The following MAPK6 variants were observed in gnomAD, a reference collection of about 807,000 sequenced individuals.
MAPK6 encodes ERK-3.
A neutral mutation model predicts 59.3 loss-of-function variants in MAPK6; 19 were observed. That is an observed-to-expected ratio of 0.32 (90% CI 0.22 to 0.47). MAPK6 has a LOEUF of 0.47. MAPK6 is among the 20% of genes least tolerant of loss of function. MAPK6 has a pLI of 1.00. For synonymous variants in MAPK6, 316 were observed against 290.3 expected, an observed-to-expected ratio of 1.09 and a Z score of -0.90; for missense variants, 724 against 847.9, an observed-to-expected ratio of 0.85 and a Z score of 1.81.
At chr15:51,973,985 C>T (rs367827635) in intron 1 of MAPK6, among the ~76,000 whole-genome samples, 1 of 151,796 alleles carries the variant, frequency 6.6e-6, no homozygotes, top group Admixed American at 6.6e-5. Flanking sequence ...GACCATTGCT[C>T]TTCTACTCAT....
intron 1 of MAPK6, among the ~76,000 whole-genome samples, chr15:52,020,653 G>C (rs2030490019): frequency 6.6e-6 from 1 of 152,228 alleles, no homozygotes; most frequent in South Asian, 2.1e-4. Flanking sequence ...CCAGAAGAAT[G>C]TAGGGTCCAA....
chr15:52,049,961 T>TA (rs541189731), intron 2 of MAPK6, 32 bp from the exon 3 acceptor site: 92 of 1,582,642 alleles, frequency 5.8e-5, no homozygotes, highest in African/African-American at 5.8e-4. Context: ...TCAGCTAAAG[T>TA]AAAAAAAGTA....
At chr15:52,052,081 T>G (rs981769355) in intron 3 of MAPK6, among the ~76,000 whole-genome samples, 1 of 152,238 alleles carries the variant, frequency 6.6e-6, no homozygotes, top group Non-Finnish European at 1.5e-5. Context: ...ACTTAGTAGC[T>G]TAAACAACAA....
intron 4 of MAPK6, among the ~76,000 whole-genome samples, chr15:52,060,493 A>G (rs1386157774): frequency 6.6e-6 from 1 of 152,226 alleles, no homozygotes; most frequent in Non-Finnish European, 1.5e-5. Context: ...GTAATGAGCC[A>G]GATATGGGAT....
intron 1 of MAPK6, among the ~76,000 whole-genome samples, chr15:51,973,515 A>G (rs1219637021): frequency 2.6e-5 from 4 of 151,876 alleles, no homozygotes; most frequent in Non-Finnish European, 5.9e-5. Flanking sequence ...CTAAATCTTA[A>G]TAAATTGAAT....
intron 3 of MAPK6, among the ~76,000 whole-genome samples, chr15:52,058,265 C>T (rs920091368): frequency 3.3e-5 from 5 of 152,134 alleles, no homozygotes; most frequent in African/African-American, 1.2e-4. Flanking sequence ...AAATAAAGTC[C>T]TAAGAGATGT....
intron 1 of MAPK6, among the ~76,000 whole-genome samples, chr15:52,020,530 A>G (rs1426022927): frequency 6.6e-6 from 1 of 152,158 alleles, no homozygotes; most frequent in Non-Finnish European, 1.5e-5. Flanking sequence ...AAGAGCAAGC[A>G]GCTTCAGAGT....
chr15:51,982,731 T>C (rs2057178393), intron 1 of MAPK6, among the ~76,000 whole-genome samples: 1 of 152,212 alleles, frequency 6.6e-6, no homozygotes, highest in South Asian at 2.1e-4. Context: ...TAAGAAAATA[T>C]TTTTCAACTA....
chr15:52,020,005 C>G (rs2141844995), intron 1 of MAPK6: 1 of 152,616 alleles, frequency 6.6e-6, no homozygotes, highest in East Asian at 1.9e-4. Context: ...TGAAGTCCGC[C>G]CAAGTTTTGA....
intron 1 of MAPK6, among the ~76,000 whole-genome samples, chr15:52,031,950 G>GA (rs2031052328): frequency 2.0e-5 from 3 of 151,826 alleles, no homozygotes. Context: ...GCCCAGGTTG[G>GA]AGTACAGTGA....
upstream of MAPK6, among the ~76,000 whole-genome samples, chr15:52,016,275 G>T (rs184861416): frequency 4.6e-5 from 7 of 150,634 alleles, no homozygotes; most frequent in Admixed American, 2.7e-4. Context: ...TGTAATCCCA[G>T]CTACTCAGGA....
At chr15:52,055,746 C>G (rs151253923) in intron 3 of MAPK6, among the ~76,000 whole-genome samples, 189 of 152,270 alleles carry the variant, frequency 1.2e-3, no homozygotes, top group African/African-American at 4.4e-3. Flanking sequence ...GAACTCCTGA[C>G]CTCAGGTCAT....
chr15:52,053,859 G>A (rs1319705914), intron 3 of MAPK6, among the ~76,000 whole-genome samples: 2 of 151,342 alleles, frequency 1.3e-5, no homozygotes, highest in East Asian at 2.0e-4. Flanking sequence ...GGCTGATCTC[G>A]AACTCCTGAC....
intron 1 of MAPK6, among the ~76,000 whole-genome samples, chr15:51,980,412 A>G (rs1276855569): frequency 6.6e-6 from 1 of 150,726 alleles, no homozygotes. Flanking sequence ...TCCACAATGA[A>G]CATGTATTTG....
chr15:52,034,349 T>C (rs1465151035), intron 1 of MAPK6, among the ~76,000 whole-genome samples: 1 of 149,514 alleles, frequency 6.7e-6, no homozygotes, highest in Non-Finnish European at 1.5e-5. Context: ...AGTCTCGCTC[T>C]GTTACCCATA....
chr15:52,028,476 G>A (rs2030899879), intron 1 of MAPK6, among the ~76,000 whole-genome samples: 1 of 152,112 alleles, frequency 6.6e-6, no homozygotes, highest in Non-Finnish European at 1.5e-5. Context: ...ATGCAGATGT[G>A]CTTTAGGGCT....
upstream of MAPK6, chr15:52,017,672 A>C (rs551250161): frequency 6.6e-6 from 1 of 152,340 alleles, no homozygotes; most frequent in Non-Finnish European, 1.5e-5. Context: ...TATCCACAGG[A>C]AGTCAGCAGT....
chr15:51,980,155 C>T (rs1191243911), intron 1 of MAPK6, among the ~76,000 whole-genome samples: 4 of 151,094 alleles, frequency 2.6e-5, no homozygotes, highest in Non-Finnish European at 5.9e-5. Flanking sequence ...ATTAGCCGGG[C>T]GTGGTGGCGG....
intron 3 of MAPK6, among the ~76,000 whole-genome samples, chr15:52,007,113 T>G (rs2029907729): frequency 6.6e-6 from 1 of 152,158 alleles, no homozygotes; most frequent in Non-Finnish European, 1.5e-5. Flanking sequence ...TCTTCCTTCC[T>G]ACCCCACTTC....
Sources: gnomAD v4.1 joint callset for allele counts (sites outside exome capture counted in the v4.1 genomes callset) on GRCh38, gnomAD v4.1.1 for gene constraint, MANE v1.5 for transcripts, NCBI Gene and HGNC (gene_info 2026-07-23, HGNC 2026-07-21) for gene names.